Variants in TBC1D22A observed in about 807,000 individuals in gnomAD.
TBC1D22A encodes putative GTPase activator.
TBC1D22A carries 38 observed loss-of-function variants against 60.2 expected under a neutral mutation model. The observed-to-expected ratio is 0.63, with a 90% CI of 0.49 to 0.83. TBC1D22A has a LOEUF of 0.83. Among genes scored for constraint, TBC1D22A ranks in the 40% least tolerant of loss-of-function variants. The pLI, the probability that TBC1D22A is intolerant of heterozygous loss-of-function variation, is 0.00. For synonymous variants in TBC1D22A, 302 were observed against 281.7 expected (o/e 1.07, Z -0.72); for missense variants, 628 against 701.0 (o/e 0.90, Z 1.18).
intron 11 of TBC1D22A, among the ~76,000 whole-genome samples, chr22:47,048,369 C>T (rs1023299783): frequency 1.3e-5 from 2 of 152,086 alleles, no homozygotes; most frequent in Admixed American, 6.5e-5. Flanking sequence ...GTGGAGGACG[C>T]GTCACCTTCC....
intron 11 of TBC1D22A, among the ~76,000 whole-genome samples, chr22:47,062,163 G>A (rs890286747): frequency 5.3e-5 from 8 of 151,340 alleles, no homozygotes; most frequent in Admixed American, 6.6e-5. Flanking sequence ...GTCAGAACGC[G>A]GATTGTTTTC....
At chr22:47,152,570 G>A (rs532409288) in intron 12 of TBC1D22A, among the ~76,000 whole-genome samples, 19 of 152,334 alleles carry the variant, frequency 1.2e-4, no homozygotes, top group African/African-American at 3.4e-4. Flanking sequence ...CGAGGCTGTC[G>A]CAGTTGCGCT....
Position 46,825,951 on chromosome 22 carries a change from C to T in TBC1D22A, c.637+28331C>T, listed in dbSNP as rs186903940. Among the ~76,000 whole-genome samples, 75 of 150,240 alleles carry T rather than the reference C, an allele frequency of 5.0e-4. 1 individual carries two copies. The South Asian group carries it at 9.9e-3, about 20-fold the overall frequency. Reference sequence around the variant, plus strand: ...AGGCTGGAGTACAGTGGCGCCATCTCGGCTTACTGCAAGCTCCATCTCCCG... The same window carrying T: ...AGGCTGGAGTACAGTGGCGCCATCTTGGCTTACTGCAAGCTCCATCTCCCG... On this transcript the variant is annotated intron_variant, in intron 4 of 12. Transcript: ENST00000337137.
intron 12 of TBC1D22A, among the ~76,000 whole-genome samples, 167 bp downstream of exon 12, chr22:47,111,770 G>A (rs969627194): frequency 6.6e-5 from 10 of 152,188 alleles, no homozygotes; most frequent in African/African-American, 1.7e-4. Flanking sequence ...GAGGAGATGA[G>A]CCTGGCAGTG....
chr22:47,003,205 T>C (rs995308475), intron 10 of TBC1D22A, among the ~76,000 whole-genome samples: 1 of 152,074 alleles, frequency 6.6e-6, no homozygotes, highest in Non-Finnish European at 1.5e-5. Flanking sequence ...CACACTGAAA[T>C]TCAGAGTTCA....
At chr22:47,167,003 CAGACCCTAT>C (rs1395836670) in intron 12 of TBC1D22A, among the ~76,000 whole-genome samples, 1 of 152,244 alleles carries the variant, frequency 6.6e-6, no homozygotes, top group East Asian at 1.9e-4. Context: ...GATCTCAGAG[CAGACCCTAT>C]ACTTCTTTTA....
chr22:46,909,333 C>A (rs921280535), intron 7 of TBC1D22A, among the ~76,000 whole-genome samples: 6 of 152,224 alleles, frequency 3.9e-5, no homozygotes, highest in Non-Finnish European at 7.3e-5. Flanking sequence ...CACTCACTCA[C>A]ACCCAGCACT....
intron 10 of TBC1D22A, among the ~76,000 whole-genome samples, chr22:47,035,353 G>C (rs901602350): frequency 5.3e-5 from 8 of 152,154 alleles, no homozygotes; most frequent in African/African-American, 1.9e-4. Context: ...CAGCCTCCTG[G>C]AGGGCAGTCC....
chr22:47,007,172 C>CGA (rs1486030702), intron 10 of TBC1D22A, among the ~76,000 whole-genome samples: 8 of 152,176 alleles, frequency 5.3e-5, no homozygotes, highest in African/African-American at 1.7e-4. Flanking sequence ...TCCCAAAGCT[C>CGA]CTGGGTCCCT....
intron 1 of TBC1D22A, among the ~76,000 whole-genome samples, chr22:46,775,667 A>G (rs562439771): frequency 6.6e-6 from 1 of 152,250 alleles, no homozygotes; most frequent in African/African-American, 2.4e-5. Context: ...TTGTGTTCCA[A>G]AACCAGTCAC....
chr22:46,885,094 C>T (rs536213091), intron 5 of TBC1D22A, among the ~76,000 whole-genome samples: 4 of 152,146 alleles, frequency 2.6e-5, no homozygotes, highest in African/African-American at 4.8e-5. Flanking sequence ...CTTTGTCCAC[C>T]CACTGATGGA....
At chr22:47,128,605 G>A (rs1342003717) in intron 12 of TBC1D22A, among the ~76,000 whole-genome samples, 2 of 151,798 alleles carry the variant, frequency 1.3e-5, no homozygotes, top group African/African-American at 4.8e-5. Context: ...GCAGAAAATC[G>A]ATTTTCGTTC....
At chr22:46,937,460 C>T (rs2071723499) in intron 8 of TBC1D22A, among the ~76,000 whole-genome samples, 1 of 152,184 alleles carries the variant, frequency 6.6e-6, no homozygotes, top group East Asian at 1.9e-4. Flanking sequence ...TGTCAACAAA[C>T]CTACTGCACT....
chr22:46,975,118 G>T (rs935701351), intron 9 of TBC1D22A, among the ~76,000 whole-genome samples: 14 of 152,168 alleles, frequency 9.2e-5, no homozygotes, highest in African/African-American at 3.1e-4. Flanking sequence ...GAGGGGGATG[G>T]ATGGGCCCTG....
intron 11 of TBC1D22A, among the ~76,000 whole-genome samples, chr22:47,054,767 T>G (rs2063334713): frequency 6.6e-6 from 1 of 152,070 alleles, no homozygotes; most frequent in Non-Finnish European, 1.5e-5. Flanking sequence ...GTCGGGCTGA[T>G]GATTGTGTAC....
At chr22:46,988,718 C>T (rs1029691217) in intron 9 of TBC1D22A, among the ~76,000 whole-genome samples, 1 of 152,206 alleles carries the variant, frequency 6.6e-6, no homozygotes, top group African/African-American at 2.4e-5. Context: ...ATTTATAGAG[C>T]ACAGGCAGAG....
chr22:46,820,849 TG>T (rs1368235050), intron 4 of TBC1D22A, among the ~76,000 whole-genome samples: 1 of 152,224 alleles, frequency 6.6e-6, no homozygotes, highest in Non-Finnish European at 1.5e-5. Flanking sequence ...ACTGTTATTG[TG>T]TGGGAGTCTA....
At chr22:47,139,386 G>C (rs929134903) in intron 12 of TBC1D22A, among the ~76,000 whole-genome samples, 1 of 152,198 alleles carries the variant, frequency 6.6e-6, no homozygotes, top group Non-Finnish European at 1.5e-5. Context: ...TGTGCACCTC[G>C]AGACAGGTGT....
Position 47,009,030 on chromosome 22 carries a change from G to A in TBC1D22A, c.1201+11321G>A, listed in dbSNP as rs192776513. Among the ~76,000 whole-genome samples, 217 of 152,314 alleles carry A rather than the reference G, an allele frequency of 1.4e-3. 1 individual carries two copies. Among genetic ancestry groups the A allele is most frequent in the African/African-American group, 4.9e-3 (205 of 41,568 alleles). On this transcript the variant is annotated intron_variant, in intron 10 of 12. Transcript: ENST00000337137. This position sits in a 1 kb window ranked among gnomAD's most constrained non-coding sequence, Gnocchi z 5.8. ...CTGGCTTATTCTAATCTACTCTTCAGCTCTGTGGAGTAACAGCTTGGAGTT... is the reference window on the plus strand; with the variant it reads ...CTGGCTTATTCTAATCTACTCTTCAACTCTGTGGAGTAACAGCTTGGAGTT...
Sources: allele counts gnomAD v4.1 joint callset (sites outside exome capture counted in the v4.1 genomes callset), GRCh38; gene constraint gnomAD v4.1.1; non-coding constraint Gnocchi (gnomAD v3.1); transcripts MANE v1.5; gene names NCBI Gene and HGNC (gene_info 2026-07-23, HGNC 2026-07-21).